Variants in RBFOX1 observed in about 807,000 individuals in gnomAD.
The protein encoded by RBFOX1 is RNA binding protein fox-1 homolog 1.
A neutral mutation model predicts 57.7 loss-of-function variants in RBFOX1; 8 were observed. That is an observed-to-expected ratio of 0.14 (90% CI 0.08 to 0.25). RBFOX1 has a LOEUF of 0.25. RBFOX1 is among the 10% of genes least tolerant of loss of function. The probability of loss-of-function intolerance (pLI) is 1.00; values close to 1 mark genes in which losing one functional copy is unlikely to be tolerated. For synonymous variants in RBFOX1, 326 were observed against 222.4 expected (o/e 1.47, Z -4.15); for missense variants, 611 against 548.5 (o/e 1.11, Z -1.14).
rs560297946 is a variant in RBFOX1 at position 6,545,485 on chromosome 16, C to G, written c.-63-109118C>G. ...GTTGCAGCCTTGGAGACGTGTGCCT[C>G]TCCTTCTGCCAGAGGATGCCTCCTG... On this transcript the variant is annotated intron_variant, in intron 2 of 15. Coordinates refer to ENST00000550418, the MANE Select transcript of RBFOX1 (RefSeq NM_018723.4). Among the ~76,000 whole-genome samples, 10 of 152,278 alleles carry G rather than the reference C, an allele frequency of 6.6e-5. No individual in the cohort carries two copies. In the South Asian group the frequency reaches 2.1e-3, roughly 32 times the overall value.
At chr16:5,720,625 G>T (rs190557340) in intron 3 of RBFOX1, among the ~76,000 whole-genome samples, 1 of 152,272 alleles carries the variant, frequency 6.6e-6, no homozygotes, top group East Asian at 1.9e-4. Context: ...GGTGGAAGGA[G>T]ATCCAACTTC....
chr16:5,365,182 A>C (rs1294307607), intron 1 of RBFOX1, among the ~76,000 whole-genome samples: 1 of 152,050 alleles, frequency 6.6e-6, no homozygotes, highest in Non-Finnish European at 1.5e-5. Flanking sequence ...CGCTTCGTGG[A>C]GGTCCGCCTG....
intron 1 of RBFOX1, among the ~76,000 whole-genome samples, chr16:5,364,024 A>T (rs904613565): frequency 6.6e-6 from 1 of 152,214 alleles, no homozygotes; most frequent in African/African-American, 2.4e-5. Flanking sequence ...ACCTAGAGTT[A>T]GTAGTTACTC....
chr16:6,207,187 C>G (rs2097261095), intron 1 of RBFOX1, among the ~76,000 whole-genome samples: 2 of 152,134 alleles, frequency 1.3e-5, no homozygotes, highest in African/African-American at 4.8e-5. Context: ...CTTTCGTTTC[C>G]CTGTCTTTTC....
intron 2 of RBFOX1, among the ~76,000 whole-genome samples, chr16:5,597,940 C>T (rs9928297): frequency 2.6e-5 from 4 of 151,896 alleles, no homozygotes; most frequent in South Asian, 2.1e-4. Context: ...ACCTGTGAGA[C>T]GGGGCTGAGG....
At chr16:7,294,870 C>T (rs2095860427) in intron 4 of RBFOX1, among the ~76,000 whole-genome samples, 1 of 152,112 alleles carries the variant, frequency 6.6e-6, no homozygotes, top group Non-Finnish European at 1.5e-5. Flanking sequence ...GATACTTTCT[C>T]ATTTTGTTCA....
At chr16:5,863,786 T>A (rs2057282921) in intron 3 of RBFOX1, among the ~76,000 whole-genome samples, 1 of 152,224 alleles carries the variant, frequency 6.6e-6, no homozygotes, top group Non-Finnish European at 1.5e-5. Context: ...CATCACTATA[T>A]GCCTTACCTT....
At chr16:5,496,385 A>AT (rs2043002759) in intron 2 of RBFOX1, among the ~76,000 whole-genome samples, 1 of 151,784 alleles carries the variant, frequency 6.6e-6, no homozygotes, top group African/African-American at 2.4e-5. Flanking sequence ...GCCTTTGCCT[A>AT]TTCTCTCCCC....
rs1338839901 is a variant in RBFOX1 at position 7,653,872 on chromosome 16, T to C, written c.815T>C (p.Leu272Pro). The C allele has an allele frequency of 6.2e-7, 1 of 1,603,946 alleles. No individual in the cohort carries two copies. The highest frequency in any genetic ancestry group is 2.2e-5 in the East Asian group (1 of 44,814). Residue 272 changes from leucine to proline, a missense_variant, in exon 12 of 16, where the codon CTG becomes CCG. Transcript: ENST00000550418. ...GCGGCCGCCTACCGAGGGGCGCACC[T>C]GCGAGGCCGCGGTCGCACCGTGTAC... The part of the protein sequence containing the change: ...TAAAAYRGAH[L>P]RGRGRTVYNT...
At chr16:5,851,155 G>A (rs1004318338) in intron 3 of RBFOX1, among the ~76,000 whole-genome samples, 1 of 152,168 alleles carries the variant, frequency 6.6e-6, no homozygotes, top group African/African-American at 2.4e-5. Context: ...GGGTTGTGAA[G>A]CCAGACCCTA....
intron 2 of RBFOX1, among the ~76,000 whole-genome samples, chr16:6,494,092 A>G (rs2153147154): frequency 6.6e-6 from 1 of 152,350 alleles, no homozygotes; most frequent in East Asian, 1.9e-4. Flanking sequence ...AATGTAGCAT[A>G]TGCAGTTGTA....
chr16:6,957,494 A>G (rs1281373343), intron 3 of RBFOX1, among the ~76,000 whole-genome samples: 2 of 152,126 alleles, frequency 1.3e-5, no homozygotes, highest in East Asian at 1.9e-4. Context: ...TGACGTTGCC[A>G]TGGCATTTAT....
chr16:7,471,164 T>C (rs1164532785), intron 4 of RBFOX1, among the ~76,000 whole-genome samples: 2 of 152,192 alleles, frequency 1.3e-5, no homozygotes, highest in Non-Finnish European at 2.9e-5. Flanking sequence ...TTTTCTATGA[T>C]TTGTGAATAT....
intron 1 of RBFOX1, among the ~76,000 whole-genome samples, chr16:5,424,063 C>T (rs559928763): frequency 6.6e-6 from 1 of 152,156 alleles, no homozygotes; most frequent in Non-Finnish European, 1.5e-5. Flanking sequence ...GTTTCCTGGC[C>T]ACCTTCAGAT....
At chr16:5,878,114 G>T (rs1248272340) in intron 4 of RBFOX1, among the ~76,000 whole-genome samples, 1 of 152,094 alleles carries the variant, frequency 6.6e-6, no homozygotes, top group Non-Finnish European at 1.5e-5. Flanking sequence ...AGATTGCTTT[G>T]GATCGACTGT....
chr16:5,342,618 A>G (rs1596582787), intron 1 of RBFOX1, among the ~76,000 whole-genome samples: 1 of 152,220 alleles, frequency 6.6e-6, no homozygotes, highest in Admixed American at 6.5e-5. Context: ...AAATGCTGCA[A>G]GTACCACTGA....
chr16:6,793,285 T>C (rs1409870845), intron 3 of RBFOX1, among the ~76,000 whole-genome samples: 3 of 152,188 alleles, frequency 2.0e-5, no homozygotes, highest in African/African-American at 7.2e-5. Flanking sequence ...CTGTTAGGCT[T>C]AGATTTTACA....
At chr16:6,613,577 C>G (rs753443064) in intron 2 of RBFOX1, among the ~76,000 whole-genome samples, 3 of 152,244 alleles carry the variant, frequency 2.0e-5, no homozygotes, top group African/African-American at 7.2e-5. Flanking sequence ...GATTATTAAA[C>G]ATAATGAGGT....
At chr16:5,716,825 G>T (rs2051719437) in intron 3 of RBFOX1, among the ~76,000 whole-genome samples, 1 of 152,222 alleles carries the variant, frequency 6.6e-6, no homozygotes, top group South Asian at 2.1e-4. Context: ...GTCCCAGGTT[G>T]CATGACCATC....
Sources: gnomAD v4.1 joint callset for allele counts (sites outside exome capture counted in the v4.1 genomes callset) on GRCh38, gnomAD v4.1.1 for gene constraint, MANE v1.5 for transcripts, NCBI Gene and HGNC (gene_info 2026-07-23, HGNC 2026-07-21) for gene names.